The following ABCA8 variants were observed in gnomAD, a reference collection of about 807,000 sequenced individuals.
ABCA8 encodes ABC-type organic anion transporter ABCA8.
In ABCA8, 177 loss-of-function variants were observed where a neutral mutation model predicts 192.3. The observed-to-expected ratio is 0.92, with a 90% CI of 0.81 to 1.04. The LOEUF is 1.04. Ranked by LOEUF, ABCA8 falls within the 50% of genes least tolerant of loss-of-function variation. ABCA8 has a pLI of 0.00. For synonymous variants in ABCA8, 642 were observed against 690.2 expected (o/e 0.93, Z 1.09); for missense variants, 1,915 against 1,904.8 (o/e 1.01, Z -0.10).
chr17:68,921,198 TGTG>T (rs1253091437), intron 13 of ABCA8, among the ~76,000 whole-genome samples, 181 bp downstream of exon 13: 2 of 150,714 alleles, frequency 1.3e-5, no homozygotes, highest in Non-Finnish European at 3.0e-5. Flanking sequence ...CAGGGCCTGT[TGTG>T]GGGTGGGGGG....
chr17:68,891,499 T>C lies in ABCA8; in HGVS notation c.3134A>G (p.Asp1045Gly), dbSNP rs1373179561. 1.2e-6 allele frequency: 2 copies of C among 1,610,464 alleles called. No individual in the cohort carries two copies. Among genetic ancestry groups the C allele is most frequent in the African/African-American group, 1.3e-5 (1 of 74,828 alleles). ...ATTACTCATTATTACCTTATAATCA[T>C]CGATGCTGCTCATGGCAATGTAAGG... Reference protein sequence around the residue: ...CPPYIAMSSIDDYKNRARSQL... With the variant: ...CPPYIAMSSIGDYKNRARSQL... The change falls in exon 24 of 40, where the codon GAT (aspartate) becomes GGT (glycine). Residue 1045 changes from aspartate (D) to glycine (G), a missense_variant. Transcript: ENST00000586539.
At position 68,867,306 on chromosome 17, in the gene ABCA8, T is replaced by C. The variant is rs2065945823; in HGVS notation, c.*779A>G. 2 of 152,152 alleles carry C rather than the reference T, an allele frequency of 1.3e-5. No homozygotes were observed. The highest frequency in any genetic ancestry group is 4.8e-5 in the African/African-American group (2 of 41,436). The allele number at this position is 152,152 out of a possible 1,614,324, so 9.4% of individuals were successfully genotyped here. A position where few individuals can be genotyped will look rare whatever the true frequency, so the allele number is the denominator to read the frequency against. On this transcript the variant is annotated 3_prime_UTR_variant, in exon 40 of 40. Transcript: ENST00000586539. ...AAAACGTATTTCAAAACTATATATATGAGATTTATTTCACATTTTCTACCT... is the reference window on the plus strand; with the variant it reads ...AAAACGTATTTCAAAACTATATATACGAGATTTATTTCACATTTTCTACCT...
intron 32 of ABCA8, chr17:68,880,876 C>G (rs572030591): frequency 2.0e-6 from 1 of 502,894 alleles, no homozygotes; most frequent in African/African-American, 1.9e-5. Flanking sequence ...CAAACTTGGG[C>G]AAAGGCGCCA....
At chr17:68,928,086 TTAAG>T in intron 9 of ABCA8, 23 bp from the exon 10 acceptor site, 1 of 1,538,914 alleles carries the variant, frequency 6.5e-7, no homozygotes, top group Non-Finnish European at 8.8e-7. Flanking sequence ...AAGTAATTAA[TTAAG>T]GGAAATTAGG....
chr17:68,948,603 G>A (rs1455926773), intron 2 of ABCA8, among the ~76,000 whole-genome samples: 1 of 151,808 alleles, frequency 6.6e-6, no homozygotes, highest in Admixed American at 6.6e-5. Flanking sequence ...TTTTTTTCTT[G>A]TAAATTTGTT....
chr17:68,947,678 T>G (rs1003104065), intron 2 of ABCA8, among the ~76,000 whole-genome samples: 3 of 152,128 alleles, frequency 2.0e-5, no homozygotes, highest in Non-Finnish European at 2.9e-5. Context: ...TTGATCCAAT[T>G]TTGATAATTT....
intron 17 of ABCA8, among the ~76,000 whole-genome samples, chr17:68,910,547 T>C (rs1256702759): frequency 6.6e-6 from 1 of 152,114 alleles, no homozygotes; most frequent in Non-Finnish European, 1.5e-5. Context: ...CCTGATGCTG[T>C]TCTGGGCTCA....
At chr17:68,885,157 G>A in intron 27 of ABCA8, 39 bp downstream of exon 27, 1 of 1,577,838 alleles carries the variant, frequency 6.3e-7, no homozygotes, top group South Asian at 1.2e-5. Flanking sequence ...AATTGGTCAT[G>A]AGTTTCAAGG....
At chr17:68,930,670 C>CAATAAGATGTTCAT (rs2067842514) in intron 7 of ABCA8, among the ~76,000 whole-genome samples, 1 of 152,100 alleles carries the variant, frequency 6.6e-6, no homozygotes, top group South Asian at 2.1e-4. Flanking sequence ...TGATAGAGAA[C>CAATAAGATGTTCAT]CTAATGAACA....
At chr17:68,952,804 A>T in intron 1 of ABCA8, among the ~76,000 whole-genome samples, 1 of 152,184 alleles carries the variant, frequency 6.6e-6, no homozygotes, top group East Asian at 1.9e-4. Context: ...GAAGTACAGC[A>T]GTAGACTACC....
intron 1 of ABCA8, among the ~76,000 whole-genome samples, chr17:68,954,377 C>G (rs535089394): frequency 6.6e-6 from 1 of 152,266 alleles, no homozygotes; most frequent in Non-Finnish European, 1.5e-5. Context: ...AAACTCCAGT[C>G]TGACTCCAAT....
At chr17:68,913,698 C>A in intron 17 of ABCA8, among the ~76,000 whole-genome samples, 1 of 152,016 alleles carries the variant, frequency 6.6e-6, no homozygotes, top group Non-Finnish European at 1.5e-5. Flanking sequence ...AAATCCAAAA[C>A]CTGAACATAC....
intron 2 of ABCA8, 37 bp from the exon 3 acceptor site, chr17:68,942,076 T>A (rs1222499290): frequency 6.8e-7 from 1 of 1,479,128 alleles, no homozygotes; most frequent in South Asian, 1.2e-5. Context: ...AAAATTAATA[T>A]GAAGTTCTTA....
rs765003663 is a variant in ABCA8 at position 68,928,007 on chromosome 17, GC to G, written c.1181del (p.Gly394AlafsTer6). 1.9e-5 allele frequency: 31 copies of G among 1,607,324 alleles called. 1 individual carries two copies. The highest frequency in any genetic ancestry group is 1.6e-4 in the Middle Eastern group (1 of 6,076). ...AATTTGTTGCTACAATGAGATTTGA[GC>G]CGTCCGATGGATGAGGAAATGCATT... ...NSNAFPHPSD[G>X]SNLIVATNFM... On this transcript the variant is annotated frameshift_variant, in exon 10 of 40. Coordinates refer to ENST00000586539, the MANE Select transcript of ABCA8 (RefSeq NM_001288985.2). LOFTEE classifies it high-confidence loss of function.
At chr17:68,901,638 T>C (rs1416526393) in intron 21 of ABCA8, among the ~76,000 whole-genome samples, 1 of 152,046 alleles carries the variant, frequency 6.6e-6, no homozygotes, top group African/African-American at 2.4e-5. Context: ...AAACCCCGTC[T>C]CTACCAAAAA....
intron 29 of ABCA8, 65 bp downstream of exon 29, chr17:68,883,726 T>C: frequency 9.3e-7 from 1 of 1,072,034 alleles, no homozygotes; most frequent in Non-Finnish European, 1.4e-6. Flanking sequence ...ATGAATTGAT[T>C]TATGCATGAA....
chr17:68,897,414 A>T (rs2066794260), intron 21 of ABCA8, among the ~76,000 whole-genome samples: 2 of 152,218 alleles, frequency 1.3e-5, no homozygotes, highest in South Asian at 2.1e-4. Context: ...TATTACTTTA[A>T]ATGTCCAGTT....
rs373358970 is a variant in ABCA8, at chr17:68,887,048, T to G, written c.3398A>C (p.Asn1133Thr). The change falls in exon 26 of 40, where the codon AAT becomes ACT. Residue 1133 changes from asparagine (N) to threonine (T), a missense_variant. Asn to Thr is a moderately conservative substitution (Grantham distance 65). Coordinates refer to ENST00000586539, the MANE Select transcript of ABCA8 (RefSeq NM_001288985.2). ...GAAACAAAATGACCAAATGCCACTATTTTTTCTCCCCTTGCGAAAGATGAA... is the reference window on the plus strand; with the variant it reads ...GAAACAAAATGACCAAATGCCACTAGTTTTTCTCCCCTTGCGAAAGATGAA... ...ISFIFRKGRKNSGIWSFCFYV... is the reference protein window; with the variant it reads ...ISFIFRKGRKTSGIWSFCFYV... 8 of 1,611,928 alleles carry G rather than the reference T, an allele frequency of 5.0e-6. No individual in the cohort carries two copies. The highest frequency in any genetic ancestry group is 6.8e-6 in the Non-Finnish European group (8 of 1,178,634).
intron 17 of ABCA8, among the ~76,000 whole-genome samples, chr17:68,908,726 T>C (rs2067157242): frequency 6.6e-6 from 1 of 152,236 alleles, no homozygotes. Flanking sequence ...CAATATTCTA[T>C]TAATTGAGGT....
Sources: allele counts gnomAD v4.1 joint callset (sites outside exome capture counted in the v4.1 genomes callset), GRCh38; gene constraint gnomAD v4.1.1; transcripts MANE v1.5; gene names NCBI Gene and HGNC (gene_info 2026-07-23, HGNC 2026-07-21).